ABCC8: variants seen among roughly 807,000 people sequenced by gnomAD.
ABCC8 encodes the protein ATP-binding cassette sub-family C member 8.
In ABCC8, 137 loss-of-function variants were observed where a neutral mutation model predicts 188.0. The ratio of observed to expected loss-of-function variants is 0.73; its 90% CI spans 0.63 to 0.84. ABCC8 has a LOEUF of 0.84. ABCC8 is among the 40% of genes least tolerant of loss of function. ABCC8 has a pLI of 0.00. For missense variants in ABCC8, 1,750 were observed against 2,072.7 expected (o/e 0.84, Z 3.02); for synonymous variants, 797 against 846.5 (o/e 0.94, Z 1.01).
rs774915279 is a variant in ABCC8, at chr11:17,443,185, C to A, written c.1460G>T (p.Ser487Ile). 6.2e-7 allele frequency: 1 copy of A among 1,614,140 alleles called. No individual in the cohort carries two copies. The highest frequency in any genetic ancestry group is 8.5e-7 in the Non-Finnish European group (1 of 1,180,024). Residue 487 changes from serine to isoleucine, a missense_variant, in exon 9 of 39, where the codon AGC becomes ATC. Coordinates refer to ENST00000389817, the MANE Select transcript of ABCC8 (RefSeq NM_000352.6). Reference protein sequence around the residue: ...VATKLSQAQRSTLEYSNERLK... With the variant: ...VATKLSQAQRITLEYSNERLK... ...ACACCTTTGGGCACTCACCAGTGTG[C>A]TCCGCTGGGCCTGAGACAGCTTGGT...
intron 28 of ABCC8, 141 bp from the exon 29 acceptor site, chr11:17,402,894 G>GTAA: frequency 4.0e-6 from 4 of 988,842 alleles, no homozygotes; most frequent in Non-Finnish European, 6.2e-6. Context: ...CCGTGAAGGG[G>GTAA]GAAGACAATG....
rs576893666 is a variant in ABCC8 at position 17,450,324 on chromosome 11, TTC to T, written c.1177-1655_1177-1654del. On this transcript the variant is annotated intron_variant, in intron 7 of 38. Transcript: ENST00000389817. Reference sequence around the variant, plus strand: ...TTTCTTTCTTTCTTTCTTTCTTTCTTTCTCTCTCTCTCTTTCCTTTCTTTCTT... The same window carrying T: ...TTTCTTTCTTTCTTTCTTTCTTTCTTTCTCTCTCTCTTTCCTTTCTTTCTT... 4.6e-3 allele frequency among the ~76,000 whole-genome samples: 347 copies of T among 75,682 alleles called. 13 individuals carry two copies. Among genetic ancestry groups the T allele is most frequent in the African/African-American group, 0.016 (281 of 17,058 alleles). 49.7% of individuals were successfully genotyped at this position (75,682 alleles called of 152,430 possible).
intron 4 of ABCC8, among the ~76,000 whole-genome samples, chr11:17,462,993 A>G (rs1412463590): frequency 6.6e-6 from 1 of 152,114 alleles, no homozygotes. Context: ...GGGGCAGGGG[A>G]AGGGGAAGGT....
downstream of ABCC8, chr11:17,392,506 C>G (rs1012544960): frequency 2.4e-5 from 6 of 247,826 alleles, no homozygotes; most frequent in Non-Finnish European, 3.2e-5. Flanking sequence ...GGGTGGGGCC[C>G]TAATCCAATA....
intron 33 of ABCC8, chr11:17,396,600 C>T (rs1591712783): frequency 2.4e-6 from 1 of 410,736 alleles, no homozygotes; most frequent in Non-Finnish European, 4.6e-6. Context: ...CGGGGCAGTG[C>T]CCTAGGGAAA....
At chr11:17,395,465 C>T (rs1173872158) in intron 35 of ABCC8, 145 bp downstream of exon 35, 1 of 1,467,128 alleles carries the variant, frequency 6.8e-7, no homozygotes, top group Admixed American at 2.0e-5. Context: ...CAGAGGCTGC[C>T]TGGGCCTGAT....
chr11:17,427,685 C>T lies in ABCC8; in HGVS notation c.2116+182G>A, dbSNP rs576155411. On this transcript the variant is annotated intron_variant, in intron 15 of 38. Transcript: ENST00000389817. This position sits in a 1 kb window ranked among gnomAD's most constrained non-coding sequence, Gnocchi z 5.0. ...CAATTTTACCCTGTCCTTAGTGCTT[C>T]ACTCCCACCCAGCACACGGAAGCCT... Among the ~76,000 whole-genome samples the T allele has an allele frequency of 3.9e-5, 6 of 152,310 alleles. No homozygotes were observed. Among genetic ancestry groups the T allele is most frequent in the South Asian group, 2.1e-4 (1 of 4,824 alleles).
At chr11:17,423,338 C>T (rs958924946) in intron 16 of ABCC8, among the ~76,000 whole-genome samples, 4 of 117,112 alleles carry the variant, frequency 3.4e-5, no homozygotes, top group Non-Finnish European at 6.4e-5. Flanking sequence ...GCCTGGGCAA[C>T]AGGGCGAGAC....
At chr11:17,475,915 C>T (rs12226635) in intron 1 of ABCC8, among the ~76,000 whole-genome samples, 8,743 of 152,284 alleles carry the variant, frequency 0.057, 298 homozygotes, top group African/African-American at 0.099. Context: ...AGTGGAGAGG[C>T]ACGCACGATT....
intron 10 of ABCC8, chr11:17,435,984 C>A (rs764067373): frequency 1.3e-6 from 2 of 1,576,046 alleles, no homozygotes; most frequent in Admixed American, 1.7e-5. Flanking sequence ...AGATGGACAT[C>A]GCCATGGGAA....
chr11:17,433,268 C>T (rs1158867114), intron 10 of ABCC8, among the ~76,000 whole-genome samples: 2 of 152,212 alleles, frequency 1.3e-5, no homozygotes, highest in African/African-American at 4.8e-5. Context: ...GATCCCCTTC[C>T]AGGGCAGCCC....
chr11:17,466,124 G>A (rs571475499), intron 3 of ABCC8, among the ~76,000 whole-genome samples: 2 of 152,274 alleles, frequency 1.3e-5, no homozygotes, highest in South Asian at 4.1e-4. Flanking sequence ...AAATAGGCCA[G>A]GCAAGGTGGC....
chr11:17,458,106 C>T (rs1206040988), intron 6 of ABCC8, among the ~76,000 whole-genome samples: 1 of 152,180 alleles, frequency 6.6e-6, no homozygotes, highest in Admixed American at 6.5e-5. Flanking sequence ...CCCAGGCAAC[C>T]ACATGATGGA....
At chr11:17,460,452 T>C (rs773099763) in intron 6 of ABCC8, 36 bp downstream of exon 6, 26 of 1,613,538 alleles carry the variant, frequency 1.6e-5, no homozygotes, top group Non-Finnish European at 5.9e-6. Context: ...GAAAACCATC[T>C]AGAGGGTGCC....
intron 10 of ABCC8, among the ~76,000 whole-genome samples, chr11:17,435,018 T>TGTGTGTGTGTGTG (rs1564934631): frequency 2.0e-5 from 3 of 150,418 alleles, no homozygotes; most frequent in Non-Finnish European, 3.0e-5. Flanking sequence ...TGTGTGTGTG[T>TGTGTGTGTGTGTG]TTTGCAAGAA....
At chr11:17,435,017 G>GTGTGTGTT (rs1564934612) in intron 10 of ABCC8, among the ~76,000 whole-genome samples, 3 of 146,196 alleles carry the variant, frequency 2.1e-5, no homozygotes, top group South Asian at 2.2e-4. Context: ...GTGTGTGTGT[G>GTGTGTGTT]TTTTGCAAGA....
Position 17,393,109 on chromosome 11 carries a change from A to G in ABCC8, c.4628T>C (p.Leu1543Pro), listed in dbSNP as rs72559713. 1.5e-5 allele frequency: 24 copies of G among 1,587,372 alleles called. No individual in the cohort carries two copies. Among genetic ancestry groups the G allele is most frequent in the Non-Finnish European group, 1.9e-5 (22 of 1,162,532 alleles). Residue 1543 changes from leucine (L) to proline (P), a missense_variant, in exon 39 of 39, where the codon CTG becomes CCG. Coordinates refer to ENST00000389817, the MANE Select transcript of ABCC8 (RefSeq NM_000352.6). ...CAGGACGATCACCAGGTCTGCACTCAGGATGGTGTGCACTCGATGCTGGGC... is the reference window on the plus strand; with the variant it reads ...CAGGACGATCACCAGGTCTGCACTCGGGATGGTGTGCACTCGATGCTGGGC... ...VTIAHRVHTI[L>P]SADLVIVLKR...
At chr11:17,451,763 A>G (rs1243906021) in intron 7 of ABCC8, among the ~76,000 whole-genome samples, 1 of 152,234 alleles carries the variant, frequency 6.6e-6, no homozygotes, top group African/African-American at 2.4e-5. Context: ...CAGTGCATAT[A>G]TAGCTGTCAA....
intron 10 of ABCC8, among the ~76,000 whole-genome samples, chr11:17,441,334 T>TTGA (rs1956308840): frequency 6.6e-6 from 1 of 152,100 alleles, no homozygotes; most frequent in Admixed American, 6.5e-5. Context: ...AGGAGGGATC[T>TTGA]CAGGAACACA....
Sources: gnomAD v4.1 joint callset for allele counts (sites outside exome capture counted in the v4.1 genomes callset) on GRCh38, gnomAD v4.1.1 for gene constraint, Gnocchi (gnomAD v3.1) non-coding constraint, MANE v1.5 for transcripts, NCBI Gene and HGNC (gene_info 2026-07-23, HGNC 2026-07-21) for gene names.